NSD2: variants seen among roughly 807,000 people sequenced by gnomAD.
NSD2 encodes nuclear receptor binding SET domain protein 2.
In NSD2, 12 loss-of-function variants were observed where a neutral mutation model predicts 139.0. The observed-to-expected ratio is 0.09, with a 90% CI of 0.06 to 0.14. NSD2 has a LOEUF of 0.14. Ranked by LOEUF, NSD2 falls within the 10% of genes least tolerant of loss-of-function variation. The pLI is 1.00. For synonymous variants in NSD2, 669 were observed against 648.7 expected (o/e 1.03, Z -0.48); for missense variants, 1,155 against 1,745.0 (o/e 0.66, Z 6.02).
Position 1,930,685 on chromosome 4 carries a change from G to A in NSD2, c.1470G>A (p.Gln490=). Residue 490 remains glutamine, a synonymous_variant, in exon 6 of 22, where the codon CAG becomes CAA. Coordinates refer to ENST00000508803, the MANE Select transcript of NSD2 (RefSeq NM_001042424.3). ...GEEIEELLRS[Q]WSLLSEKQRA... Reference sequence around the variant, plus strand: ...AGATTGAAGAGCTGCTCAGGTCACAGTGGAGTCTGCTGAGTGAGAAGCAGA... The same window carrying A: ...AGATTGAAGAGCTGCTCAGGTCACAATGGAGTCTGCTGAGTGAGAAGCAGA... 6.2e-7 allele frequency: 1 copy of A among 1,614,026 alleles called. No individual in the cohort carries two copies.
At position 1,900,888 on chromosome 4, in the gene NSD2, G is replaced by A; in HGVS notation, c.234G>A (p.Lys78=). The change falls in exon 2 of 22, where the codon AAG becomes AAA. Residue 78 remains lysine, a synonymous_variant. Coordinates refer to ENST00000508803, the MANE Select transcript of NSD2 (RefSeq NM_001042424.3). ...HDALPFIPAD[K]LKDLTSRVFN... ...CCCTGCCCTTTATTCCAGCCGACAAGCTGAAAGATCTTACTTCCCGGGTGT... is the reference window on the plus strand; with the variant it reads ...CCCTGCCCTTTATTCCAGCCGACAAACTGAAAGATCTTACTTCCCGGGTGT... 1.2e-6 allele frequency: 2 copies of A among 1,613,112 alleles called. No individual in the cohort carries two copies. The highest frequency in any genetic ancestry group is 1.7e-5 in the Admixed American group (1 of 59,924).
At chr4:1,919,196 A>G (rs1719808988) in intron 5 of NSD2, 1 of 150,712 alleles carries the variant, frequency 6.6e-6, no homozygotes, top group Admixed American at 6.6e-5. Flanking sequence ...AAACTAGCAC[A>G]GAGGGAAGTG....
Position 1,976,775 on chromosome 4 carries a change from T to C in NSD2, c.3826+96T>C, listed in dbSNP as rs1043580799. ...CTCTTCCTGCTGACCGGGCCTCATC[T>C]GGGTGCAGGCACATCAGGCGCTCAT... On this transcript the variant is annotated intron_variant, in intron 21 of 21. Transcript: ENST00000508803. The surrounding 1 kb of genome is among the most constrained non-coding windows in gnomAD (Gnocchi z 5.3). 6.7e-6 allele frequency: 9 copies of C among 1,338,230 alleles called. No homozygotes were observed. The highest frequency in any genetic ancestry group is 9.1e-6 in the Non-Finnish European group (9 of 990,534). The allele number at this position is 1,338,230 out of a possible 1,614,324, so 82.9% of individuals were successfully genotyped here.
At position 1,942,468 on chromosome 4, in the gene NSD2, A is replaced by G. The variant is rs375561165; in HGVS notation, c.1881+2690A>G. On this transcript the variant is annotated intron_variant, in intron 9 of 21. Transcript: ENST00000508803. The surrounding 1 kb of genome is among the most constrained non-coding windows in gnomAD (Gnocchi z 4.0). ...ATCGTACACACTCAGTGACATTTCT[A>G]TCACAATCATTTTATGGAAGATGTG... 32 of 1,550,632 alleles carry G rather than the reference A, an allele frequency of 2.1e-5. No individual in the cohort carries two copies. The South Asian group carries it at 2.2e-4, about 11-fold the overall frequency.
chr4:1,977,659 C>T (rs751112192), intron 21 of NSD2, among the ~76,000 whole-genome samples: 1 of 151,854 alleles, frequency 6.6e-6, no homozygotes, highest in South Asian at 2.1e-4. Context: ...ACCTGTAATC[C>T]CAGCTATTCG....
chr4:1,938,510 C>T lies in NSD2; in HGVS notation c.1734C>T (p.Ala578=). Residue 578 remains alanine (A), a synonymous_variant, in exon 8 of 22, where the codon GCC becomes GCT. Coordinates refer to ENST00000508803, the MANE Select transcript of NSD2 (RefSeq NM_001042424.3). ...RTSSYKAMEA[A]SSLKSQAATK... Reference sequence around the variant, plus strand: ...GCTCTTACAAGGCCATGGAGGCAGCCTCCTCGCTCAAGAGCCAGGCAGGTA... The same window carrying T: ...GCTCTTACAAGGCCATGGAGGCAGCTTCCTCGCTCAAGAGCCAGGCAGGTA... 1 of 1,600,910 alleles carries T rather than the reference C, an allele frequency of 6.2e-7. No individual in the cohort carries two copies.
At chr4:1,889,754 G>A (rs1436964012) in intron 1 of NSD2, among the ~76,000 whole-genome samples, 1 of 151,804 alleles carries the variant, frequency 6.6e-6, no homozygotes, top group Non-Finnish European at 1.5e-5. Context: ...TGATACACCC[G>A]CCTTGACCTC....
chr4:1,949,490 C>A (rs549169788), intron 9 of NSD2, among the ~76,000 whole-genome samples: 1 of 152,172 alleles, frequency 6.6e-6, no homozygotes. Context: ...TGGCTGGGTG[C>A]GGTGGCTCAT....
At position 1,978,955 on chromosome 4, in the gene NSD2, C is replaced by T. The variant is rs773737659; in HGVS notation, c.*46C>T. On this transcript the variant is annotated 3_prime_UTR_variant, in exon 22 of 22. Transcript: ENST00000508803. ...GGATCCAGGGGCGGTGCAGGGCGGC[C>T]GGCCCTGCCTGCGGGAGAGGGCGAG... is the stretch of plus-strand genomic sequence containing the variant. 7.5e-5 allele frequency: 108 copies of T among 1,446,372 alleles called. No individual in the cohort carries two copies. The East Asian group carries it at 1.4e-3, about 18-fold the overall frequency. 89.6% of individuals were successfully genotyped at this position (1,446,372 alleles called of 1,614,324 possible).
intron 6 of NSD2, among the ~76,000 whole-genome samples, chr4:1,932,698 A>G (rs1721805710): frequency 6.6e-6 from 1 of 152,230 alleles, no homozygotes. Context: ...GTGAGCCGAG[A>G]TCGTGCCATT....
chr4:1,933,508 G>A (rs1057460777), intron 6 of NSD2, among the ~76,000 whole-genome samples: 1 of 152,132 alleles, frequency 6.6e-6, no homozygotes, highest in Non-Finnish European at 1.5e-5. Flanking sequence ...TCCTACCTCA[G>A]CCTCCCGAGT....
chr4:1,936,784 A>G (rs1722456186), intron 7 of NSD2, among the ~76,000 whole-genome samples: 1 of 152,202 alleles, frequency 6.6e-6, no homozygotes, highest in Non-Finnish European at 1.5e-5. Flanking sequence ...ATTTCAAAGA[A>G]TGGAAAATAC....
At chr4:1,913,263 C>T (rs560668333) in intron 3 of NSD2, among the ~76,000 whole-genome samples, 14 of 152,154 alleles carry the variant, frequency 9.2e-5, no homozygotes, top group Admixed American at 8.5e-4. Context: ...GTTACTTAGC[C>T]GACCTTGGTC....
intron 1 of NSD2, among the ~76,000 whole-genome samples, chr4:1,876,969 C>G (rs1251338476): frequency 6.6e-6 from 1 of 151,868 alleles, no homozygotes; most frequent in Admixed American, 6.6e-5. Flanking sequence ...AACCCCGTCT[C>G]TACTAAAAAT....
intron 21 of NSD2, among the ~76,000 whole-genome samples, chr4:1,977,833 A>C (rs1457518445): frequency 1.3e-5 from 2 of 150,718 alleles, no homozygotes; most frequent in Non-Finnish European, 3.0e-5. Context: ...AAACTATAAA[A>C]AGAAAATCCA....
At chr4:1,950,985 G>T in intron 9 of NSD2, 87 bp from the exon 10 acceptor site, 1 of 1,543,892 alleles carries the variant, frequency 6.5e-7, no homozygotes. Context: ...GGGTGGTGGG[G>T]TGGGGCGGGA....
At chr4:1,969,994 T>C (rs1726280595) in intron 18 of NSD2, among the ~76,000 whole-genome samples, 1 of 151,978 alleles carries the variant, frequency 6.6e-6, no homozygotes, top group African/African-American at 2.4e-5. Flanking sequence ...CGAAGGTGGA[T>C]GTGGGGAGTG....
chr4:1,952,324 G>A, intron 11 of NSD2, 93 bp downstream of exon 11: 7 of 1,551,908 alleles, frequency 4.5e-6, no homozygotes, highest in Non-Finnish European at 6.1e-6. Flanking sequence ...TGCCTGCAGA[G>A]GACAAGCCCC....
intron 1 of NSD2, among the ~76,000 whole-genome samples, chr4:1,881,937 T>G (rs1714736999): frequency 6.6e-6 from 1 of 152,126 alleles, no homozygotes; most frequent in Non-Finnish European, 1.5e-5. Flanking sequence ...GTGCAGAGCT[T>G]CTGTGATAGA....
Sources: allele counts gnomAD v4.1 joint callset (sites outside exome capture counted in the v4.1 genomes callset), GRCh38; gene constraint gnomAD v4.1.1; non-coding constraint Gnocchi (gnomAD v3.1); transcripts MANE v1.5; gene names NCBI Gene and HGNC (gene_info 2026-07-23, HGNC 2026-07-21).